The following ZNF236 variants were observed in gnomAD, a reference collection of about 807,000 sequenced individuals.
ZNF236 encodes zinc finger protein 236, also known as regulated by glucose.
Under a neutral mutation model 191.2 loss-of-function variants are expected in ZNF236, and 50 were observed. That is an observed-to-expected ratio of 0.26 (90% CI 0.21 to 0.33). The LOEUF is 0.33. ZNF236 is among the 10% of genes least tolerant of loss of function. The pLI is 1.00. For missense variants in ZNF236, 1,754 were observed against 2,374.5 expected, an observed-to-expected ratio of 0.74 and a Z score of 5.43; for synonymous variants, 907 against 928.8, an observed-to-expected ratio of 0.98 and a Z score of 0.43.
intron 1 of ZNF236, among the ~76,000 whole-genome samples, chr18:76,826,335 G>A (rs1283114399): frequency 3.4e-5 from 5 of 149,204 alleles, no homozygotes; most frequent in African/African-American, 1.2e-4. Flanking sequence ...TGTTGATCAG[G>A]CTGGTCTCGA....
chr18:76,951,549 C>T (rs1181770158), intron 27 of ZNF236, among the ~76,000 whole-genome samples: 1 of 152,230 alleles, frequency 6.6e-6, no homozygotes, highest in Non-Finnish European at 1.5e-5. Flanking sequence ...GAGTCTTGCT[C>T]TGGATTAGGC....
At chr18:76,882,930 C>T (rs1291618294) in intron 9 of ZNF236, among the ~76,000 whole-genome samples, 4 of 152,308 alleles carry the variant, frequency 2.6e-5, no homozygotes, top group South Asian at 2.1e-4. Context: ...TGCGAGTGCC[C>T]GCCTGAGCCC....
intron 1 of ZNF236, among the ~76,000 whole-genome samples, chr18:76,843,218 TGTG>T (rs943500259): frequency 2.0e-5 from 3 of 151,934 alleles, no homozygotes; most frequent in South Asian, 2.1e-4. Context: ...GAGGCTGAAA[TGTG>T]GGAATCAGAT....
At chr18:76,946,799 A>G (rs1173243429) in intron 26 of ZNF236, among the ~76,000 whole-genome samples, 1 of 152,262 alleles carries the variant, frequency 6.6e-6, no homozygotes, top group Non-Finnish European at 1.5e-5. Context: ...GTAGTTTTCT[A>G]TAGCATAGCA....
At chr18:76,910,206 C>A in intron 15 of ZNF236, 37 bp downstream of exon 15, 1 of 1,524,818 alleles carries the variant, frequency 6.6e-7, no homozygotes, top group Non-Finnish European at 9.1e-7. Context: ...TGTAAGTGAG[C>A]TATACTTCAG....
chr18:76,913,675 C>G, intron 17 of ZNF236, 72 bp from the exon 18 acceptor site: 1 of 1,523,926 alleles, frequency 6.6e-7, no homozygotes, highest in East Asian at 2.3e-5. Flanking sequence ...GCTTTTCTTC[C>G]CTTTTCAGGT....
chr18:76,869,498 T>A (rs1005164529), intron 4 of ZNF236, among the ~76,000 whole-genome samples: 5 of 152,226 alleles, frequency 3.3e-5, no homozygotes, highest in Non-Finnish European at 7.4e-5. Context: ...AACATGTTTT[T>A]AAAAATTTTA....
intron 18 of ZNF236, among the ~76,000 whole-genome samples, chr18:76,915,087 G>A (rs953136421): frequency 2.6e-5 from 4 of 152,108 alleles, no homozygotes; most frequent in Non-Finnish European, 5.9e-5. Context: ...TATAAGGAAC[G>A]GTGGAAGAAA....
chr18:76,941,642 C>G (rs750859449), intron 26 of ZNF236, among the ~76,000 whole-genome samples: 1 of 152,140 alleles, frequency 6.6e-6, no homozygotes, highest in Non-Finnish European at 1.5e-5. Context: ...GTGAGCAGCA[C>G]GAGCCGGGTG....
intron 11 of ZNF236, among the ~76,000 whole-genome samples, chr18:76,900,232 C>A (rs920622896): frequency 6.6e-6 from 1 of 151,802 alleles, no homozygotes; most frequent in African/African-American, 2.4e-5. Flanking sequence ...TGGGGGCCAC[C>A]AGTAAGATGA....
chr18:76,928,991 G>T (rs555268655), intron 25 of ZNF236, among the ~76,000 whole-genome samples: 1 of 149,464 alleles, frequency 6.7e-6, no homozygotes, highest in South Asian at 2.2e-4. Context: ...AACACGCTCC[G>T]TGGAGATCTG....
At position 76,880,130 on chromosome 18, in the gene ZNF236, G is replaced by T; in HGVS notation, c.1002G>T (p.Thr334=). The T allele has an allele frequency of 6.2e-7, 1 of 1,611,350 alleles. No homozygotes were observed. The stretch of plus-strand genomic sequence containing the variant: ...TGTTTCAGGCCACACTTTTTCAGAC[G>T]TTACCTCTTCAACAGACGGAAGCCC... ...AHVLTATLFQ[T]LPLQQTEAQA... is the part of the protein sequence containing the mutation. The change falls in exon 8 of 31, where the codon ACG becomes ACT. Residue 334 remains threonine (T), a synonymous_variant. Coordinates refer to ENST00000320610, the MANE Select transcript of ZNF236 (RefSeq NM_001306089.2). This position sits in a 1 kb window ranked among gnomAD's most constrained non-coding sequence, Gnocchi z 5.0.
rs1967478102 is a variant in ZNF236 at position 76,919,650 on chromosome 18, C to A, written c.3275-126C>A. ...GGAAAATATAGCAACTCTCTACCATCATAAAAATAGCTTGGTTGAGTTATT... is the reference window on the plus strand; with the variant it reads ...GGAAAATATAGCAACTCTCTACCATAATAAAAATAGCTTGGTTGAGTTATT... On this transcript the variant is annotated intron_variant, in intron 19 of 30. Transcript: ENST00000320610. The surrounding 1 kb of genome is among the most constrained non-coding windows in gnomAD (Gnocchi z 5.3). 3.4e-6 allele frequency: 4 copies of A among 1,174,714 alleles called. No individual in the cohort carries two copies. Among genetic ancestry groups the A allele is most frequent in the Admixed American group, 2.4e-5 (1 of 42,200 alleles). 72.8% of individuals were successfully genotyped at this position (1,174,714 alleles called of 1,614,324 possible). A position where few individuals can be genotyped will look rare whatever the true frequency, so the allele number is the denominator to read the frequency against.
chr18:76,856,943 G>T (rs1976056332), intron 3 of ZNF236, among the ~76,000 whole-genome samples: 1 of 152,138 alleles, frequency 6.6e-6, no homozygotes, highest in African/African-American at 2.4e-5. Context: ...ACACTGATCT[G>T]CCTGGTACAG....
At chr18:76,930,321 A>G (rs1397982215) in intron 25 of ZNF236, among the ~76,000 whole-genome samples, 1 of 152,198 alleles carries the variant, frequency 6.6e-6, no homozygotes, top group Non-Finnish European at 1.5e-5. Context: ...TGTCTTTTGA[A>G]TCTTTTTCTC....
chr18:76,908,121 C>T (rs1337694464), intron 13 of ZNF236, among the ~76,000 whole-genome samples, 199 bp from the exon 14 acceptor site: 1 of 152,140 alleles, frequency 6.6e-6, no homozygotes, highest in Admixed American at 6.5e-5. Flanking sequence ...CCGGTGGAAG[C>T]ACTTAAAGAT....
intron 26 of ZNF236, among the ~76,000 whole-genome samples, chr18:76,946,496 T>A (rs989800875): frequency 1.3e-5 from 2 of 152,228 alleles, no homozygotes; most frequent in African/African-American, 4.8e-5. Flanking sequence ...CCTAAAACAT[T>A]GAGAAACACC....
At chr18:76,837,257 T>A (rs1477775275) in intron 1 of ZNF236, among the ~76,000 whole-genome samples, 1 of 151,918 alleles carries the variant, frequency 6.6e-6, no homozygotes. Flanking sequence ...TGGTTATTTG[T>A]AGCTTTTCGT....
intron 25 of ZNF236, among the ~76,000 whole-genome samples, chr18:76,934,353 A>G (rs942969239): frequency 2.0e-5 from 3 of 152,266 alleles, no homozygotes; most frequent in Admixed American, 6.5e-5. Context: ...TTCCTTAAAA[A>G]GTGATCCCAT....
Sources: allele counts gnomAD v4.1 joint callset (sites outside exome capture counted in the v4.1 genomes callset), GRCh38; gene constraint gnomAD v4.1.1; non-coding constraint Gnocchi (gnomAD v3.1); transcripts MANE v1.5; gene names NCBI Gene and HGNC (gene_info 2026-07-23, HGNC 2026-07-21).